RAMP1: variants seen among roughly 807,000 people sequenced by gnomAD.
RAMP1 encodes receptor activity modifying protein 1, also known as receptor activity-modifying protein 1.
Under a neutral mutation model 8.2 loss-of-function variants are expected in RAMP1, and 7 were observed. That is an observed-to-expected ratio of 0.85 (90% CI 0.49 to 1.60). The LOEUF (loss-of-function observed/expected upper bound fraction) is 1.60, where lower values mean the gene tolerates loss of function less well. Among genes scored for constraint, RAMP1 ranks in the 40% most tolerant of loss-of-function variants. RAMP1 has a pLI of 0.00. For synonymous variants in RAMP1, 92 were observed against 84.7 expected, an observed-to-expected ratio of 1.09 and a Z score of -0.47; for missense variants, 192 against 202.4, an observed-to-expected ratio of 0.95 and a Z score of 0.31.
At chr2:237,902,120 C>CAA (rs1388505593) in intron 2 of RAMP1, among the ~76,000 whole-genome samples, 1 of 151,884 alleles carries the variant, frequency 6.6e-6, no homozygotes, top group Admixed American at 6.6e-5. Context: ...AGCCCAAGGC[C>CAA]GAGAGAGAAG....
chr2:237,908,496 G>A lies in RAMP1; in HGVS notation c.192-3032G>A, dbSNP rs569187793. Among the ~76,000 whole-genome samples, 39 of 152,042 alleles carry A rather than the reference G, an allele frequency of 2.6e-4. 1 individual carries two copies. The highest frequency in any genetic ancestry group is 2.3e-3 in the South Asian group (11 of 4,800). On this transcript the variant is annotated intron_variant, in intron 2 of 2. Transcript: ENST00000254661. ...GGCTAGAGTGCAGTGGCATGATCTC[G>A]GCATGATCTCGGCTCACTGCAACCT...
intron 1 of RAMP1, among the ~76,000 whole-genome samples, chr2:237,863,755 G>T (rs1410685770): frequency 6.6e-6 from 1 of 151,582 alleles, no homozygotes; most frequent in Admixed American, 6.6e-5. Context: ...CAGGCCCCCC[G>T]ACTCTACGTT....
Position 237,873,837 on chromosome 2 carries a change from C to T in RAMP1, c.53-3387C>T, listed in dbSNP as rs145570513. The stretch of plus-strand genomic sequence containing the variant: ...CCACATCAGGCTCGTTTAAGAAAAA[C>T]CCAAGCATTCTTCGCCTGTACCTAA... On this transcript the variant is annotated intron_variant, in intron 1 of 2. Coordinates refer to ENST00000254661, the MANE Select transcript of RAMP1 (RefSeq NM_005855.4). 4.2e-3 allele frequency among the ~76,000 whole-genome samples: 635 copies of T among 152,320 alleles called. 1 individual carries two copies. Among genetic ancestry groups the T allele is most frequent in the Non-Finnish European group, 6.7e-3 (459 of 68,024 alleles).
chr2:237,864,912 T>C (rs888542612), intron 1 of RAMP1, among the ~76,000 whole-genome samples: 3 of 152,204 alleles, frequency 2.0e-5, no homozygotes, highest in Admixed American at 1.3e-4. Context: ...GGAAGCCTTT[T>C]TGACTGAAGC....
Position 237,862,595 on chromosome 2 carries a change from G to C in RAMP1, c.52+2868G>C, listed in dbSNP as rs749846118. Among the ~76,000 whole-genome samples the C allele has an allele frequency of 1.3e-5, 2 of 152,234 alleles. No individual in the cohort carries two copies. The highest frequency in any genetic ancestry group is 2.9e-5 in the Non-Finnish European group (2 of 68,042). On this transcript the variant is annotated intron_variant, in intron 1 of 2. Transcript: ENST00000254661. This position sits in a 1 kb window ranked among gnomAD's most constrained non-coding sequence, Gnocchi z 4.0. ...AATCAGTTACAACTGGCGTCTGGCT[G>C]ACTGTGTGATGCAGGTGCCATGTGT...
At chr2:237,897,395 A>G (rs1465553581) in intron 2 of RAMP1, among the ~76,000 whole-genome samples, 1 of 152,204 alleles carries the variant, frequency 6.6e-6, no homozygotes, top group Non-Finnish European at 1.5e-5. Flanking sequence ...CATGCTCTAC[A>G]GTCACTGCGA....
In RAMP1 at chr2:237,878,184, ATCTG is replaced by A. The variant is rs1420327444; in HGVS notation, c.191+828_191+831del. 5.1e-6 allele frequency: 5 copies of A among 984,662 alleles called. No homozygotes were observed. The highest frequency in any genetic ancestry group is 6.0e-6 in the Non-Finnish European group (5 of 829,356). The allele number at this position is 984,662 out of a possible 1,614,324, so 61.0% of individuals were successfully genotyped here. On this transcript the variant is annotated intron_variant, in intron 2 of 2. Coordinates refer to ENST00000254661, the MANE Select transcript of RAMP1 (RefSeq NM_005855.4). The surrounding 1 kb of genome is among the most constrained non-coding windows in gnomAD (Gnocchi z 5.7). ...CCTGCCATGCAAACTTCGCACAGAG[ATCTG>A]TCTGTGGGTTCACAGCGCAGCGCAA...
intron 2 of RAMP1, among the ~76,000 whole-genome samples, chr2:237,888,342 C>A (rs974027359): frequency 1.3e-5 from 2 of 152,172 alleles, no homozygotes; most frequent in Non-Finnish European, 2.9e-5. Flanking sequence ...TGAGCCACCA[C>A]GCCCGGCCCA....
Position 237,877,437 on chromosome 2 carries a change from C to T in RAMP1, c.191+75C>T, listed in dbSNP as rs1008135554. On this transcript the variant is annotated intron_variant, in intron 2 of 2. Coordinates refer to ENST00000254661, the MANE Select transcript of RAMP1 (RefSeq NM_005855.4). The surrounding 1 kb of genome is among the most constrained non-coding windows in gnomAD (Gnocchi z 4.4). ...GGGCAAGCGGAGGAGGAGTGGACCACGTGGGAGCTGTGGAAGATCCTTTCT... is the reference window on the plus strand; with the variant it reads ...GGGCAAGCGGAGGAGGAGTGGACCATGTGGGAGCTGTGGAAGATCCTTTCT... 32 of 1,537,102 alleles carry T rather than the reference C, an allele frequency of 2.1e-5. No homozygotes were observed. The highest frequency in any genetic ancestry group is 9.0e-5 in the East Asian group (4 of 44,320).
intron 2 of RAMP1, among the ~76,000 whole-genome samples, chr2:237,890,656 G>T (rs1443999531): frequency 6.6e-6 from 1 of 152,182 alleles, no homozygotes; most frequent in Admixed American, 6.5e-5. Context: ...TGTTTTAACG[G>T]TTATCTTCAT....
intron 1 of RAMP1, among the ~76,000 whole-genome samples, chr2:237,861,787 G>A (rs2062134906): frequency 6.6e-6 from 1 of 151,382 alleles, no homozygotes; most frequent in East Asian, 1.9e-4. Context: ...GAAGGCAGAG[G>A]TTGCAGTGAG....
intron 2 of RAMP1, among the ~76,000 whole-genome samples, chr2:237,910,966 G>C (rs570051262): frequency 6.6e-6 from 1 of 151,444 alleles, no homozygotes; most frequent in African/African-American, 2.4e-5. Flanking sequence ...GTCACACACA[G>C]TGAATAATAG....
At chr2:237,909,553 CAG>C (rs1252501878) in intron 2 of RAMP1, among the ~76,000 whole-genome samples, 1 of 152,064 alleles carries the variant, frequency 6.6e-6, no homozygotes, top group African/African-American at 2.4e-5. Context: ...CAGGAGGTCA[CAG>C]GGGGTTGGAG....
rs912566297 is a variant in RAMP1 at position 237,878,073 on chromosome 2, C to T, written c.191+711C>T. On this transcript the variant is annotated intron_variant, in intron 2 of 2. Coordinates refer to ENST00000254661, the MANE Select transcript of RAMP1 (RefSeq NM_005855.4). The surrounding 1 kb of genome is among the most constrained non-coding windows in gnomAD (Gnocchi z 5.7). ...ACTTTCAAGTCCTTGTTTCTGCCTC[C>T]GTGGGAGGCGCTGGGGTGTCCTGGG... 64 of 985,350 alleles carry T rather than the reference C, an allele frequency of 6.5e-5. No individual in the cohort carries two copies. The highest frequency in any genetic ancestry group is 1.1e-4 in the East Asian group (1 of 8,818). The allele number at this position is 985,350 out of a possible 1,614,324, so 61.0% of individuals were successfully genotyped here. A position where few individuals can be genotyped will look rare whatever the true frequency, so the allele number is the denominator to read the frequency against.
At chr2:237,879,742 C>T (rs1276293965) in intron 2 of RAMP1, among the ~76,000 whole-genome samples, 2 of 146,874 alleles carry the variant, frequency 1.4e-5, no homozygotes, top group Non-Finnish European at 3.0e-5. Flanking sequence ...GTGATCCCAA[C>T]GCTTTGGGAG....
chr2:237,863,426 C>G (rs2062150541), intron 1 of RAMP1, among the ~76,000 whole-genome samples: 1 of 152,210 alleles, frequency 6.6e-6, no homozygotes, highest in Admixed American at 6.5e-5. Flanking sequence ...CCTCTCTGCT[C>G]CAGAACAGGA....
chr2:237,879,989 CAAAAAAAAAAAA>C (rs35678960), intron 2 of RAMP1, among the ~76,000 whole-genome samples: 6 of 75,870 alleles, frequency 7.9e-5, no homozygotes, highest in Non-Finnish European at 1.2e-4. Context: ...GACTTTGTCT[CAAAAAAAAAAAA>C]AAAAAAAAAA....
In RAMP1 at chr2:237,903,199, T is replaced by C. The variant is rs537822212; in HGVS notation, c.192-8329T>C. ...AATGTTTTTCCACATCTTAAAATTTTCTTCCTAAATATAATTTTAACAGCT... is the reference window on the plus strand; with the variant it reads ...AATGTTTTTCCACATCTTAAAATTTCCTTCCTAAATATAATTTTAACAGCT... On this transcript the variant is annotated intron_variant, in intron 2 of 2. Transcript: ENST00000254661. 8.5e-5 allele frequency among the ~76,000 whole-genome samples: 13 copies of C among 152,342 alleles called. No homozygotes were observed. In the South Asian group the frequency reaches 2.3e-3, roughly 27 times the overall value.
At position 237,877,259 on chromosome 2, in the gene RAMP1, G is replaced by A; in HGVS notation, c.88G>A (p.Ala30Thr). 3 of 1,614,032 alleles carry A rather than the reference G, an allele frequency of 1.9e-6. No individual in the cohort carries two copies. The highest frequency in any genetic ancestry group is 2.5e-6 in the Non-Finnish European group (3 of 1,180,004). Reference sequence around the variant, plus strand: ...CTTCATGACCACTGCCTGCCAGGAGGCTAACTACGGTGCCCTCCTCCGGGA... The same window carrying A: ...CTTCATGACCACTGCCTGCCAGGAGACTAACTACGGTGCCCTCCTCCGGGA... Reference protein sequence around the residue: ...HLFMTTACQEANYGALLRELC... With the variant: ...HLFMTTACQETNYGALLRELC... Residue 30 changes from alanine to threonine, a missense_variant, in exon 2 of 3, where the codon GCT (alanine) becomes ACT (threonine). Coordinates refer to ENST00000254661, the MANE Select transcript of RAMP1 (RefSeq NM_005855.4). This position sits in a 1 kb window ranked among gnomAD's most constrained non-coding sequence, Gnocchi z 4.4.
Sources: gnomAD v4.1 joint callset for allele counts (sites outside exome capture counted in the v4.1 genomes callset) on GRCh38, gnomAD v4.1.1 for gene constraint, Gnocchi (gnomAD v3.1) non-coding constraint, MANE v1.5 for transcripts, NCBI Gene and HGNC (gene_info 2026-07-23, HGNC 2026-07-21) for gene names.